TMED3: variants seen among roughly 807,000 people sequenced by gnomAD.
TMED3 encodes the protein transmembrane p24 trafficking protein 3, also known as transmembrane emp24 domain-containing protein 3.
A neutral mutation model predicts 15.0 loss-of-function variants in TMED3; 9 were observed. That is an observed-to-expected ratio of 0.60 (90% CI 0.36 to 1.04). TMED3 has a LOEUF of 1.04. Ranked by LOEUF, TMED3 falls within the 50% of genes least tolerant of loss-of-function variation. The probability of loss-of-function intolerance (pLI) is 0.01; values close to 1 mark genes in which losing one functional copy is unlikely to be tolerated. For synonymous variants in TMED3, 117 were observed against 121.4 expected, an observed-to-expected ratio of 0.96 and a Z score of 0.24; for missense variants, 267 against 278.9, an observed-to-expected ratio of 0.96 and a Z score of 0.30.
chr15:79,383,216 C>T (rs956127357), intron 2 of TMED3: 4 of 574,600 alleles, frequency 7.0e-6, no homozygotes, highest in African/African-American at 5.6e-5. Context: ...TCTTCAGGGA[C>T]CATCCAGCTA....
At chr15:79,332,291 A>G (rs17178379) in intron 2 of TMED3, among the ~76,000 whole-genome samples, 27,413 of 152,244 alleles carry the variant, frequency 0.18, 2,462 homozygotes, top group Admixed American at 0.24. Flanking sequence ...AATTGAGAGC[A>G]GCAGACAGGA....
intron 2 of TMED3, among the ~76,000 whole-genome samples, chr15:79,343,097 A>G (rs2058857261): frequency 6.6e-6 from 1 of 152,188 alleles, no homozygotes; most frequent in South Asian, 2.1e-4. Flanking sequence ...GAGGAACAGC[A>G]TGGAGATAAG....
At chr15:79,327,827 A>C (rs1289724006), downstream of TMED3, among the ~76,000 whole-genome samples, 2 of 152,172 alleles carry the variant, frequency 1.3e-5, no homozygotes, top group African/African-American at 4.8e-5. Context: ...TGCTATAGTC[A>C]TTTGAGGGAT....
At chr15:79,377,270 A>ATGTGTGTGTG (rs56891639) in intron 2 of TMED3, among the ~76,000 whole-genome samples, 1,463 of 145,536 alleles carry the variant, frequency 0.01, 33 homozygotes, top group African/African-American at 0.035. Context: ...GAGTGTGTGC[A>ATGTGTGTGTG]TGTGTGTGTG....
chr15:79,393,373 G>A (rs143614042), intron 2 of TMED3, among the ~76,000 whole-genome samples: 1 of 152,284 alleles, frequency 6.6e-6, no homozygotes, highest in South Asian at 2.1e-4. Flanking sequence ...TGCCAGGAGA[G>A]GATACAGAAA....
chr15:79,370,503 C>T (rs1893318739), intron 2 of TMED3, among the ~76,000 whole-genome samples: 1 of 152,212 alleles, frequency 6.6e-6, no homozygotes, highest in Admixed American at 6.5e-5. Context: ...ACATGGGTTT[C>T]ACCTCAACCA....
chr15:79,329,460 A>T (rs12101480), intron 2 of TMED3, among the ~76,000 whole-genome samples: 86,981 of 152,170 alleles, frequency 0.57, 25,112 homozygotes, highest in Middle Eastern at 0.69. Flanking sequence ...CCACTTGTTA[A>T]ATAGCCTGTT....
chr15:79,314,055 T>C (rs1051794922), intron 2 of TMED3, 50 bp downstream of exon 2: 3 of 1,598,734 alleles, frequency 1.9e-6, no homozygotes, highest in Admixed American at 1.7e-5. Context: ...AGCGTGTTCC[T>C]CTTCATTGGC....
intron 2 of TMED3, among the ~76,000 whole-genome samples, chr15:79,355,247 A>G (rs1479881004): frequency 2.0e-5 from 3 of 152,200 alleles, no homozygotes; most frequent in African/African-American, 7.2e-5. Flanking sequence ...AGAGTTATTC[A>G]GTGTGTATCC....
chr15:79,365,911 T>C (rs554626297), intron 2 of TMED3, among the ~76,000 whole-genome samples: 3 of 152,270 alleles, frequency 2.0e-5, no homozygotes, highest in Non-Finnish European at 4.4e-5. Context: ...GGGGTCCGAG[T>C]TTCTGAAGAA....
chr15:79,406,868 A>T (rs1893909632), intron 2 of TMED3, among the ~76,000 whole-genome samples: 1 of 152,264 alleles, frequency 6.6e-6, no homozygotes, highest in East Asian at 1.9e-4. Flanking sequence ...GACCAAAGGG[A>T]TTCTTGCTTT....
chr15:79,322,064 C>A lies in TMED3; in HGVS notation c.504C>A (p.Asp168Glu), dbSNP rs752551180. The A allele has an allele frequency of 6.2e-7, 1 of 1,614,218 alleles. No homozygotes were observed. Among genetic ancestry groups the A allele is most frequent in the East Asian group, 2.2e-5 (1 of 44,872 alleles). The stretch of plus-strand genomic sequence containing the variant: ...ATTACCGGCTGCGGGAGGCCCAGGA[C>A]CGGGCCCGAGCAGAAGACCTTAATA... ...QTHYRLREAQDRARAEDLNSR... is the reference protein window; with the variant it reads ...QTHYRLREAQERARAEDLNSR... Residue 168 changes from aspartate to glutamate, a missense_variant, in exon 3 of 3, where the codon GAC becomes GAA. By Grantham distance (45) the Asp-to-Glu change is conservative. Transcript: ENST00000299705.
intron 2 of TMED3, among the ~76,000 whole-genome samples, chr15:79,367,579 C>G (rs1358384968): frequency 6.6e-6 from 1 of 152,186 alleles, no homozygotes; most frequent in African/African-American, 2.4e-5. Context: ...TCCCTCAGAG[C>G]AAGAAGTAAA....
intron 2 of TMED3, among the ~76,000 whole-genome samples, chr15:79,394,046 G>A (rs997639709): frequency 3.3e-5 from 5 of 152,196 alleles, no homozygotes; most frequent in Non-Finnish European, 7.4e-5. Flanking sequence ...TTAAGTCATG[G>A]ATGTAGGCCT....
chr15:79,405,834 T>A (rs1893895545), intron 2 of TMED3, among the ~76,000 whole-genome samples: 1 of 152,236 alleles, frequency 6.6e-6, no homozygotes, highest in African/African-American at 2.4e-5. Context: ...AGCAAAAGCA[T>A]TAACATTGCC....
At chr15:79,353,408 A>G (rs75964013) in intron 2 of TMED3, among the ~76,000 whole-genome samples, 11,584 of 131,106 alleles carry the variant, frequency 0.088, 622 homozygotes, top group Admixed American at 0.12. Context: ...CAAAAAATAT[A>G]TATATATAAA....
chr15:79,352,547 C>T (rs1330799559), intron 2 of TMED3, among the ~76,000 whole-genome samples: 1 of 151,706 alleles, frequency 6.6e-6, no homozygotes, highest in African/African-American at 2.4e-5. Flanking sequence ...GTGTTTTCTT[C>T]CTGCACTTAA....
downstream of TMED3, among the ~76,000 whole-genome samples, chr15:79,326,315 G>T (rs1273962332): frequency 1.3e-5 from 2 of 152,200 alleles, no homozygotes; most frequent in African/African-American, 4.8e-5. Flanking sequence ...GCCCGGAGGG[G>T]TGTCCAGAAA....
At chr15:79,327,971 C>T (rs998268076) in intron 2 of TMED3, among the ~76,000 whole-genome samples, 1 of 152,184 alleles carries the variant, frequency 6.6e-6, no homozygotes, top group African/African-American at 2.4e-5. Context: ...TGTAAGAATT[C>T]TAAGAGCTAC....
Sources: allele counts gnomAD v4.1 joint callset (sites outside exome capture counted in the v4.1 genomes callset), GRCh38; gene constraint gnomAD v4.1.1; transcripts MANE v1.5; gene names NCBI Gene and HGNC (gene_info 2026-07-23, HGNC 2026-07-21).